Variants in NT5E observed in about 807,000 individuals in gnomAD.
The protein encoded by NT5E is 5'-nucleotidase.
Under a neutral mutation model 55.1 loss-of-function variants are expected in NT5E, and 53 were observed. The ratio of observed to expected loss-of-function variants is 0.96; its 90% CI spans 0.77 to 1.21. NT5E has a LOEUF of 1.21. NT5E is among the 50% of genes most tolerant of loss of function. The probability of loss-of-function intolerance (pLI) is 0.00; values close to 1 mark genes in which losing one functional copy is unlikely to be tolerated. For missense variants in NT5E, 683 were observed against 724.3 expected (o/e 0.94, Z 0.65); for synonymous variants, 270 against 278.4 (o/e 0.97, Z 0.30).
intron 1 of NT5E, among the ~76,000 whole-genome samples, chr6:85,458,451 GT>G (rs1304677680): frequency 6.6e-6 from 1 of 152,324 alleles, no homozygotes; most frequent in African/African-American, 2.4e-5. Flanking sequence ...AGTAAAGGTA[GT>G]TTCTCAGCTC....
chr6:85,459,134 AAG>A (rs1467997218), intron 1 of NT5E, among the ~76,000 whole-genome samples: 1 of 152,098 alleles, frequency 6.6e-6, no homozygotes, highest in East Asian at 1.9e-4. Context: ...CTCTTTAAAA[AAG>A]AGAGACAGAG....
In NT5E at chr6:85,450,109, C is replaced by G. The variant is rs767510564; in HGVS notation, c.-31C>G. 1.3e-6 allele frequency: 2 copies of G among 1,530,432 alleles called. No homozygotes were observed. The highest frequency in any genetic ancestry group is 1.8e-6 in the Non-Finnish European group (2 of 1,139,936). 94.8% of individuals were successfully genotyped at this position (1,530,432 alleles called of 1,614,324 possible). On this transcript the variant is annotated 5_prime_UTR_variant, in exon 1 of 9. Coordinates refer to ENST00000257770, the MANE Select transcript of NT5E (RefSeq NM_002526.4). This position sits in a 1 kb window ranked among gnomAD's most constrained non-coding sequence, Gnocchi z 4.0. ...CTCGCCGGCACTCGCCCGGCTCGCC[C>G]GCTTTCGCACCCAGTTCACGCGCCA...
At chr6:85,467,864 A>AT (rs1446457280) in intron 2 of NT5E, among the ~76,000 whole-genome samples, 1 of 150,124 alleles carries the variant, frequency 6.7e-6, no homozygotes, top group Non-Finnish European at 1.5e-5. Context: ...ATGTATATAT[A>AT]ATATATATAA....
chr6:85,479,771 T>A (rs1463637817), intron 3 of NT5E, among the ~76,000 whole-genome samples: 1 of 152,226 alleles, frequency 6.6e-6, no homozygotes, highest in African/African-American at 2.4e-5. Flanking sequence ...CACCCCATTC[T>A]TTTGGCCACT....
At chr6:85,464,108 G>A (rs2127755844) in intron 1 of NT5E, among the ~76,000 whole-genome samples, 1 of 113,794 alleles carries the variant, frequency 8.8e-6, no homozygotes, top group East Asian at 2.5e-4. Flanking sequence ...CTTTGTGTAT[G>A]CTAGGCTTTA....
At chr6:85,472,935 A>C (rs544508525) in intron 3 of NT5E, among the ~76,000 whole-genome samples, 1 of 152,292 alleles carries the variant, frequency 6.6e-6, no homozygotes, top group African/African-American at 2.4e-5. Flanking sequence ...TAAGACTAAA[A>C]TAGATTAGGC....
At chr6:85,477,086 C>A (rs997337311) in intron 3 of NT5E, among the ~76,000 whole-genome samples, 6 of 152,138 alleles carry the variant, frequency 3.9e-5, no homozygotes, top group African/African-American at 1.4e-4. Flanking sequence ...GGCCTCCTAT[C>A]CATAAATCTT....
chr6:85,452,693 AGTGCTAAAGCAT>A (rs1371404467), intron 1 of NT5E, among the ~76,000 whole-genome samples: 1 of 152,170 alleles, frequency 6.6e-6, no homozygotes, highest in East Asian at 1.9e-4. Context: ...CCAGTTCTGT[AGTGCTAAAGCAT>A]GTGCTAAAGC....
At chr6:85,457,271 G>A (rs932450740) in intron 1 of NT5E, among the ~76,000 whole-genome samples, 1 of 152,222 alleles carries the variant, frequency 6.6e-6, no homozygotes, top group African/African-American at 2.4e-5. Context: ...AGTGGAAAGA[G>A]ATTTGGATGG....
intron 6 of NT5E, 74 bp downstream of exon 6, chr6:85,489,673 C>G: frequency 1.9e-6 from 2 of 1,051,682 alleles, no homozygotes; most frequent in East Asian, 2.5e-5. Context: ...GGTTCTTGCC[C>G]TGAACACACC....
intron 8 of NT5E, among the ~76,000 whole-genome samples, chr6:85,493,098 T>C (rs185974786): frequency 6.6e-5 from 10 of 152,304 alleles, no homozygotes; most frequent in Non-Finnish European, 1.3e-4. Context: ...GAGGAGCTCA[T>C]GCAGAAGGCT....
intron 1 of NT5E, among the ~76,000 whole-genome samples, chr6:85,454,982 A>C (rs1768960177): frequency 6.6e-6 from 1 of 151,982 alleles, no homozygotes; most frequent in African/African-American, 2.4e-5. Context: ...GTGTAGAGGC[A>C]GGAATCTACA....
chr6:85,474,775 T>A (rs960831401), intron 3 of NT5E, among the ~76,000 whole-genome samples: 9 of 151,978 alleles, frequency 5.9e-5, no homozygotes, highest in South Asian at 2.1e-4. Flanking sequence ...ACAAAAAAAA[T>A]TTTTAAAAAT....
At chr6:85,484,697 AG>A (rs1274553154) in intron 3 of NT5E, among the ~76,000 whole-genome samples, 2 of 152,124 alleles carry the variant, frequency 1.3e-5, no homozygotes, top group Non-Finnish European at 2.9e-5. Flanking sequence ...GGGTTTCTAG[AG>A]ATTGCTATTC....
At chr6:85,477,337 G>GTT (rs368444901) in intron 3 of NT5E, among the ~76,000 whole-genome samples, 3 of 149,348 alleles carry the variant, frequency 2.0e-5, no homozygotes, top group African/African-American at 7.4e-5. Flanking sequence ...TGATTGATCA[G>GTT]TTTTTTTTTT....
chr6:85,478,140 A>T (rs1234964885), intron 3 of NT5E, among the ~76,000 whole-genome samples: 1 of 152,132 alleles, frequency 6.6e-6, no homozygotes, highest in Non-Finnish European at 1.5e-5. Flanking sequence ...ACTTCTGGCC[A>T]TGGCCCAGCC....
At chr6:85,468,272 G>C (rs979838807) in intron 2 of NT5E, among the ~76,000 whole-genome samples, 1 of 152,206 alleles carries the variant, frequency 6.6e-6, no homozygotes, top group South Asian at 2.1e-4. Context: ...GGGTCCTGCA[G>C]CTGGCATAGA....
chr6:85,466,667 G>C (rs932597030), intron 1 of NT5E, among the ~76,000 whole-genome samples: 3 of 152,178 alleles, frequency 2.0e-5, no homozygotes, highest in African/African-American at 7.2e-5. Context: ...TCCTGCTGAT[G>C]TTAATCATTC....
intron 2 of NT5E, among the ~76,000 whole-genome samples, chr6:85,469,002 T>C (rs1451399973): frequency 6.6e-6 from 1 of 152,232 alleles, no homozygotes; most frequent in Admixed American, 6.5e-5. Context: ...CTTCCAAGAC[T>C]ACAGGCCCAG....
Sources: gnomAD v4.1 joint callset for allele counts (sites outside exome capture counted in the v4.1 genomes callset) on GRCh38, gnomAD v4.1.1 for gene constraint, Gnocchi (gnomAD v3.1) non-coding constraint, MANE v1.5 for transcripts, NCBI Gene and HGNC (gene_info 2026-07-23, HGNC 2026-07-21) for gene names.